PTPRA: variants seen among roughly 807,000 people sequenced by gnomAD.
PTPRA encodes protein tyrosine phosphatase receptor type A, also known as receptor-type tyrosine-protein phosphatase alpha.
A neutral mutation model predicts 104.8 loss-of-function variants in PTPRA; 25 were observed. The ratio of observed to expected loss-of-function variants is 0.24; its 90% CI spans 0.17 to 0.33. The LOEUF (loss-of-function observed/expected upper bound fraction) is 0.33, where lower values mean the gene tolerates loss of function less well. Among genes scored for constraint, PTPRA ranks in the 10% least tolerant of loss-of-function variants. The pLI, the probability that PTPRA is intolerant of heterozygous loss-of-function variation, is 1.00. For missense variants in PTPRA, 765 were observed against 1,015.3 expected (o/e 0.75, Z 3.35); for synonymous variants, 323 against 368.9 (o/e 0.88, Z 1.43).
At position 2,977,740 on chromosome 20, in the gene PTPRA, T is replaced by G. The variant is rs568209807; in HGVS notation, c.442+2499T>G. On this transcript the variant is annotated intron_variant, in intron 6 of 23. Transcript: ENST00000399903. ...CCTTTTACATTCGGCATTTATTCAG[T>G]ACCTATTAAGCATCAAGGAGTCCAG... is the stretch of plus-strand genomic sequence containing the variant. Among the ~76,000 whole-genome samples the G allele has an allele frequency of 4.0e-5, 6 of 149,624 alleles. No homozygotes were observed. In the South Asian group the frequency reaches 1.3e-3, roughly 31 times the overall value.
intron 3 of PTPRA, among the ~76,000 whole-genome samples, chr20:2,958,890 C>T (rs2061643171): frequency 6.6e-6 from 1 of 151,140 alleles, no homozygotes; most frequent in Non-Finnish European, 1.5e-5. Context: ...AGAGCAGGCT[C>T]CAGGAGAAAT....
At chr20:2,895,313 T>G (rs1042182277) in intron 1 of PTPRA, among the ~76,000 whole-genome samples, 7 of 151,850 alleles carry the variant, frequency 4.6e-5, no homozygotes, top group African/African-American at 1.7e-4. Flanking sequence ...TGACCTCAAG[T>G]GATCCACCCA....
Position 2,936,504 on chromosome 20 carries a change from C to T in PTPRA, c.-49-11478C>T, listed in dbSNP as rs567266797. ...GAGACAGGGTCTCACTTTTGTCACC[C>T]AAGCTGGAGTGCCGTGGTGCAATCA... On this transcript the variant is annotated intron_variant, in intron 2 of 23. Transcript: ENST00000399903. Among the ~76,000 whole-genome samples, 6 of 152,140 alleles carry T rather than the reference C, an allele frequency of 3.9e-5. No individual in the cohort carries two copies. In the South Asian group the frequency reaches 1.2e-3, roughly 32 times the overall value.
chr20:2,988,533 C>G (rs1444926611), intron 9 of PTPRA, 59 bp downstream of exon 9: 1 of 1,569,524 alleles, frequency 6.4e-7, no homozygotes, highest in African/African-American at 1.4e-5. Flanking sequence ...TAAAGTCAGA[C>G]CTTTCAGATC....
rs1051623458 is a variant in PTPRA, at chr20:2,881,767, G to A, written c.-129+8007G>A. Among the ~76,000 whole-genome samples, 5 of 152,190 alleles carry A rather than the reference G, an allele frequency of 3.3e-5. No homozygotes were observed. In the East Asian group the frequency reaches 7.7e-4, roughly 23 times the overall value. ...TGTAATCCCAGCACTTTGGGAGGCC[G>A]AAGTGGACGGATCACTTGAGGTCAG... On this transcript the variant is annotated intron_variant, in intron 1 of 23. Coordinates refer to ENST00000399903, the MANE Select transcript of PTPRA (RefSeq NM_001385305.1).
At chr20:2,886,643 G>A (rs1336928731) in intron 1 of PTPRA, among the ~76,000 whole-genome samples, 1 of 150,142 alleles carries the variant, frequency 6.7e-6, no homozygotes, top group Non-Finnish European at 1.5e-5. Context: ...TTGGGAGTTC[G>A]AGACCAGCCT....
chr20:2,917,708 A>C (rs1443350709), intron 1 of PTPRA, among the ~76,000 whole-genome samples: 1 of 152,150 alleles, frequency 6.6e-6, no homozygotes, highest in Non-Finnish European at 1.5e-5. Flanking sequence ...GTAGTGGCAC[A>C]TGCCTGTAAT....
At chr20:2,948,315 C>G (rs1022380614) in intron 3 of PTPRA, among the ~76,000 whole-genome samples, 1 of 152,146 alleles carries the variant, frequency 6.6e-6, no homozygotes, top group African/African-American at 2.4e-5. Context: ...TATGTTATTC[C>G]CACTATAAAA....
intron 16 of PTPRA, among the ~76,000 whole-genome samples, chr20:3,024,256 T>C (rs2065027932): frequency 6.6e-6 from 1 of 152,122 alleles, no homozygotes; most frequent in South Asian, 2.1e-4. Flanking sequence ...ACCCCCAAGA[T>C]AGACCTGGAC....
chr20:2,960,880 G>A (rs2061732985), intron 3 of PTPRA, among the ~76,000 whole-genome samples: 1 of 148,524 alleles, frequency 6.7e-6, no homozygotes, highest in Non-Finnish European at 1.5e-5. Context: ...ATCTTTTACT[G>A]TCTCCATGGT....
chr20:2,933,581 C>T (rs2060582511), intron 2 of PTPRA, among the ~76,000 whole-genome samples: 1 of 152,112 alleles, frequency 6.6e-6, no homozygotes, highest in African/African-American at 2.4e-5. Context: ...GTGTCTCAGC[C>T]TCCCAAGTAG....
At chr20:2,969,252 C>CT (rs57097665) in intron 5 of PTPRA, among the ~76,000 whole-genome samples, 13 of 145,672 alleles carry the variant, frequency 8.9e-5, no homozygotes, top group Non-Finnish European at 1.5e-4. Context: ...GGTAGAATAC[C>CT]TTTTTTTTTT....
chr20:2,875,423 C>T (rs1187539099), intron 1 of PTPRA, among the ~76,000 whole-genome samples: 1 of 152,186 alleles, frequency 6.6e-6, no homozygotes, highest in Non-Finnish European at 1.5e-5. Context: ...GGCCTGTTCT[C>T]TGTTTAGCCA....
chr20:2,965,042 C>G lies in PTPRA; in HGVS notation c.255C>G (p.Asp85Glu). The change falls in exon 5 of 24, where the codon GAC (aspartate) becomes GAG (glutamate). Residue 85 changes from aspartate (D) to glutamate (E), a missense_variant. Coordinates refer to ENST00000399903, the MANE Select transcript of PTPRA (RefSeq NM_001385305.1). ...YLTTVNSSDS[D>E]NGTTRTASTN... The stretch of plus-strand genomic sequence containing the variant: ...CCACTGTCAATTCTTCAGACTCTGA[C>G]AATGGGACCACAAGAACAGCAAGCA... The G allele has an allele frequency of 6.2e-7, 1 of 1,614,150 alleles. No individual in the cohort carries two copies. Among genetic ancestry groups the G allele is most frequent in the Non-Finnish European group, 8.5e-7 (1 of 1,179,994 alleles).
At chr20:2,935,441 A>G (rs2060656830) in intron 2 of PTPRA, among the ~76,000 whole-genome samples, 1 of 152,234 alleles carries the variant, frequency 6.6e-6, no homozygotes, top group Non-Finnish European at 1.5e-5. Flanking sequence ...GCTATTGTGA[A>G]TAATGCTGCA....
At chr20:2,968,936 G>A (rs902909229) in intron 5 of PTPRA, among the ~76,000 whole-genome samples, 13 of 149,736 alleles carry the variant, frequency 8.7e-5, no homozygotes, top group Admixed American at 4.0e-4. Flanking sequence ...GGCCTGGTGT[G>A]GTGGCTCACT....
rs564656368 is a variant in PTPRA, at chr20:3,024,629, G to A, written c.1614+8G>A. On this transcript the variant is annotated splice_region_variant and intron_variant, in intron 17 of 23. Transcript: ENST00000399903. ...TTAGAGGAGGAGTTTAAGGTGAGTT[G>A]GAGCTGGATAACCTCCTTCAGATTG... is the stretch of plus-strand genomic sequence containing the variant. 121 of 1,614,058 alleles carry A rather than the reference G, an allele frequency of 7.5e-5. 1 individual carries two copies. In the South Asian group the frequency reaches 1.2e-3, roughly 16 times the overall value.
intron 1 of PTPRA, among the ~76,000 whole-genome samples, chr20:2,903,783 A>G (rs1025952235): frequency 6.6e-6 from 1 of 152,174 alleles, no homozygotes; most frequent in African/African-American, 2.4e-5. Context: ...AATATTTTTA[A>G]AGGAAGGAAG....
chr20:2,961,304 A>T (rs1308665412), intron 3 of PTPRA, among the ~76,000 whole-genome samples: 4 of 152,184 alleles, frequency 2.6e-5, no homozygotes, highest in African/African-American at 7.2e-5. Flanking sequence ...AGTATTGTCA[A>T]ATGTTTTGGA....
Sources: gnomAD v4.1 joint callset for allele counts (sites outside exome capture counted in the v4.1 genomes callset) on GRCh38, gnomAD v4.1.1 for gene constraint, MANE v1.5 for transcripts, NCBI Gene and HGNC (gene_info 2026-07-23, HGNC 2026-07-21) for gene names.